Variants in GALNT13 observed in about 807,000 individuals in gnomAD.
GALNT13 encodes polypeptide N-acetylgalactosaminyltransferase 13, also known as UDP-GalNAc:polypeptide N-acetylgalactosaminyltransferase 13.
Under a neutral mutation model 64.2 loss-of-function variants are expected in GALNT13, and 28 were observed. That is an observed-to-expected ratio of 0.44 (90% CI 0.32 to 0.60). The LOEUF (loss-of-function observed/expected upper bound fraction) is 0.60. GALNT13 is among the 20% of genes least tolerant of loss of function. The pLI is 0.05. For missense variants in GALNT13, 577 were observed against 669.8 expected, an observed-to-expected ratio of 0.86 and a Z score of 1.53; for synonymous variants, 214 against 224.6, an observed-to-expected ratio of 0.95 and a Z score of 0.42.
intron 3 of GALNT13, among the ~76,000 whole-genome samples, chr2:154,087,081 C>G (rs1701569048): frequency 6.6e-6 from 1 of 151,874 alleles, no homozygotes; most frequent in Non-Finnish European, 1.5e-5. Flanking sequence ...TTCATATGTG[C>G]AGATTTTACA....
At chr2:153,936,878 G>T (rs1690966791) in intron 2 of GALNT13, among the ~76,000 whole-genome samples, 1 of 151,944 alleles carries the variant, frequency 6.6e-6, no homozygotes, top group African/African-American at 2.4e-5. Context: ...GTGCCACCAT[G>T]CCCGGCTAGT....
the GALNT13 span, among the ~76,000 whole-genome samples, chr2:153,718,904 C>T: frequency 6.6e-6 from 1 of 152,134 alleles, no homozygotes; most frequent in Non-Finnish European, 1.5e-5. Context: ...TATGTTTTTA[C>T]ACTACATGTC....
chr2:153,691,317 G>C, the GALNT13 span, among the ~76,000 whole-genome samples: 1 of 152,110 alleles, frequency 6.6e-6, no homozygotes, highest in South Asian at 2.1e-4. Flanking sequence ...CGGAGAGAGA[G>C]ACTGCAAGAC....
intron 7 of GALNT13, among the ~76,000 whole-genome samples, chr2:154,252,720 GAAA>G (rs1690140411): frequency 7.6e-6 from 1 of 130,876 alleles, no homozygotes; most frequent in African/African-American, 2.9e-5. Context: ...TGGACGAATG[GAAA>G]AAGATAGATA....
intron 9 of GALNT13, among the ~76,000 whole-genome samples, chr2:154,353,400 C>A (rs182907948): frequency 1.3e-5 from 2 of 152,218 alleles, no homozygotes; most frequent in East Asian, 3.9e-4. Context: ...ATATCCATCA[C>A]CTCACATAGT....
chr2:153,934,445 T>C (rs1482961859), intron 2 of GALNT13, among the ~76,000 whole-genome samples: 1 of 152,196 alleles, frequency 6.6e-6, no homozygotes, highest in African/African-American at 2.4e-5. Context: ...ACATAAAAGC[T>C]AAAAGTTAGC....
the GALNT13 span, among the ~76,000 whole-genome samples, chr2:153,721,929 A>C: frequency 6.7e-6 from 1 of 150,192 alleles, no homozygotes; most frequent in Non-Finnish European, 1.5e-5. Context: ...ATACCCAGGA[A>C]TTGAACTCAG....
the GALNT13 span, among the ~76,000 whole-genome samples, chr2:153,487,611 A>G: frequency 1.3e-5 from 2 of 152,214 alleles, no homozygotes; most frequent in African/African-American, 4.8e-5. Flanking sequence ...TGGGAAATGT[A>G]TGAAGAGCAT....
the GALNT13 span, among the ~76,000 whole-genome samples, chr2:153,233,163 A>G: frequency 1.3e-5 from 2 of 152,194 alleles, no homozygotes; most frequent in South Asian, 2.1e-4. Context: ...TTAAAACTTT[A>G]AAGTCTAAAA....
At chr2:154,360,726 C>T (rs1697020190) in intron 9 of GALNT13, among the ~76,000 whole-genome samples, 2 of 152,030 alleles carry the variant, frequency 1.3e-5, no homozygotes, top group African/African-American at 4.8e-5. Flanking sequence ...TACCAAGTAA[C>T]ATACTGTGTA....
the GALNT13 span, among the ~76,000 whole-genome samples, chr2:153,098,890 G>A: frequency 1.3e-5 from 2 of 152,270 alleles, no homozygotes; most frequent in South Asian, 2.1e-4. Flanking sequence ...TTCACCAGTA[G>A]CCTGTGAGAG....
At chr2:154,109,456 A>T (rs954264880) in intron 3 of GALNT13, among the ~76,000 whole-genome samples, 3 of 151,880 alleles carry the variant, frequency 2.0e-5, no homozygotes, top group African/African-American at 7.3e-5. Flanking sequence ...TTCTATTCAG[A>T]TGACTTTTTT....
At chr2:154,008,131 T>G (rs1696383045) in intron 3 of GALNT13, among the ~76,000 whole-genome samples, 1 of 152,178 alleles carries the variant, frequency 6.6e-6, no homozygotes. Flanking sequence ...CAGGATCAAC[T>G]CCCAAATTCC....
At chr2:154,188,162 CA>C (rs922895695) in intron 4 of GALNT13, among the ~76,000 whole-genome samples, 1 of 152,002 alleles carries the variant, frequency 6.6e-6, no homozygotes, top group Admixed American at 6.6e-5. Context: ...CTCTTTTGAA[CA>C]GATGTACAAA....
At chr2:153,091,461 C>T in the GALNT13 span, among the ~76,000 whole-genome samples, 1 of 152,138 alleles carries the variant, frequency 6.6e-6, no homozygotes. Flanking sequence ...TTGGGGAACT[C>T]ACAGTTTCTT....
chr2:153,759,866 G>A, the GALNT13 span, among the ~76,000 whole-genome samples: 1 of 151,968 alleles, frequency 6.6e-6, no homozygotes, highest in African/African-American at 2.4e-5. Context: ...GTAAGAGTTT[G>A]AGATGGATTT....
the GALNT13 span, among the ~76,000 whole-genome samples, chr2:153,190,966 GT>G: frequency 1.3e-5 from 2 of 150,766 alleles, no homozygotes; most frequent in African/African-American, 2.5e-5. Flanking sequence ...GATCTAAGAG[GT>G]TTTTTTAAGG....
chr2:154,438,155 G>C (rs895695758), intron 11 of GALNT13, among the ~76,000 whole-genome samples: 3 of 152,084 alleles, frequency 2.0e-5, no homozygotes, highest in Non-Finnish European at 2.9e-5. Flanking sequence ...ATGTACTTAT[G>C]TTATCAGAAG....
the GALNT13 span, among the ~76,000 whole-genome samples, chr2:153,431,163 C>A: frequency 6.6e-4 from 98 of 147,916 alleles, no homozygotes; most frequent in Middle Eastern, 3.6e-3. Context: ...AAAAAAAAAA[C>A]AAAAAAAGTT....
Sources: gnomAD v4.1 joint callset for allele counts (sites outside exome capture counted in the v4.1 genomes callset) on GRCh38, gnomAD v4.1.1 for gene constraint, MANE v1.5 for transcripts, NCBI Gene and HGNC (gene_info 2026-07-23, HGNC 2026-07-21) for gene names.